KCNQ1: variants seen among roughly 807,000 people sequenced by gnomAD.
The protein encoded by KCNQ1 is potassium voltage-gated channel subfamily Q member 1.
KCNQ1 carries 49 observed loss-of-function variants against 72.4 expected under a neutral mutation model. The ratio of observed to expected loss-of-function variants is 0.68; its 90% CI spans 0.54 to 0.86. The LOEUF is 0.86. Among genes scored for constraint, KCNQ1 ranks in the 40% least tolerant of loss-of-function variants. The probability of loss-of-function intolerance (pLI) is 0.00; values close to 1 mark genes in which losing one functional copy is unlikely to be tolerated. For synonymous variants in KCNQ1, 450 were observed against 412.6 expected, an observed-to-expected ratio of 1.09 and a Z score of -1.10; for missense variants, 790 against 945.1, an observed-to-expected ratio of 0.84 and a Z score of 2.15.
intron 11 of KCNQ1, chr11:2,700,064 G>A: frequency 2.5e-6 from 1 of 398,070 alleles, no homozygotes. Context: ...CCCACCTGCT[G>A]ATTGGGCGGC....
In KCNQ1 at chr11:2,676,302, G is replaced by C. The variant is rs1850293390; in HGVS notation, c.1514+14221G>C. The C allele has an allele frequency of 2.5e-6, 1 of 398,528 alleles. No homozygotes were observed. The highest frequency in any genetic ancestry group is 1.3e-4 in the South Asian group (1 of 7,852). 24.7% of individuals were successfully genotyped at this position (398,528 alleles called of 1,614,324 possible). A position where few individuals can be genotyped will look rare whatever the true frequency, so the allele number is the denominator to read the frequency against. ...TTTACATGTATACAGACACACGTGT[G>C]AACAGGTGATGGCTCTGAACAGTGT... On this transcript the variant is annotated intron_variant, in intron 11 of 15. Coordinates refer to ENST00000155840, the MANE Select transcript of KCNQ1 (RefSeq NM_000218.3). This position sits in a 1 kb window ranked among gnomAD's most constrained non-coding sequence, Gnocchi z 4.2.
intron 2 of KCNQ1, among the ~76,000 whole-genome samples, chr11:2,554,069 G>T (rs1445087083): frequency 6.6e-6 from 1 of 152,184 alleles, no homozygotes; most frequent in Non-Finnish European, 1.5e-5. Context: ...TCGGTTGTGT[G>T]TAGAACTTCC....
rs1051877842 is a variant in KCNQ1, at chr11:2,735,990, C to T, written c.1515-32854C>T. Among the ~76,000 whole-genome samples, 2 of 152,166 alleles carry T rather than the reference C, an allele frequency of 1.3e-5. No homozygotes were observed. Among genetic ancestry groups the T allele is most frequent in the African/African-American group, 4.8e-5 (2 of 41,432 alleles). On this transcript the variant is annotated intron_variant, in intron 11 of 15. Coordinates refer to ENST00000155840, the MANE Select transcript of KCNQ1 (RefSeq NM_000218.3). The surrounding 1 kb of genome is among the most constrained non-coding windows in gnomAD (Gnocchi z 7.7). The stretch of plus-strand genomic sequence containing the variant: ...GCCCTTCCTCCAGTGTGTCTGGAGC[C>T]CCTTCCCTGTGTACAAAGGGACAGA...
rs748094099 is a variant in KCNQ1 at position 2,471,456 on chromosome 11, G to A, written c.386+25972G>A. 1.3e-5 allele frequency among the ~76,000 whole-genome samples: 2 copies of A among 152,200 alleles called. No individual in the cohort carries two copies. The highest frequency in any genetic ancestry group is 2.9e-5 in the Non-Finnish European group (2 of 68,044). Reference sequence around the variant, plus strand: ...GTGTCAAGAGACCCAGGGGACCTGCGAGATCCATCTCGCCCCACACACCAC... The same window carrying A: ...GTGTCAAGAGACCCAGGGGACCTGCAAGATCCATCTCGCCCCACACACCAC... On this transcript the variant is annotated intron_variant, in intron 1 of 15. Coordinates refer to ENST00000155840, the MANE Select transcript of KCNQ1 (RefSeq NM_000218.3). The surrounding 1 kb of genome is among the most constrained non-coding windows in gnomAD (Gnocchi z 4.8).
In KCNQ1 at chr11:2,508,981, G is replaced by A. The variant is rs1847149468; in HGVS notation, c.387-18947G>A. On this transcript the variant is annotated intron_variant, in intron 1 of 15. Coordinates refer to ENST00000155840, the MANE Select transcript of KCNQ1 (RefSeq NM_000218.3). The surrounding 1 kb of genome is among the most constrained non-coding windows in gnomAD (Gnocchi z 6.2). ...ATGAGGGCCGTGGGGAAGGGGCACAGCCCTGGGCAAGGGTGTGCAGAGTCT... is the reference window on the plus strand; with the variant it reads ...ATGAGGGCCGTGGGGAAGGGGCACAACCCTGGGCAAGGGTGTGCAGAGTCT... 6.6e-6 allele frequency among the ~76,000 whole-genome samples: 1 copy of A among 152,244 alleles called. No individual in the cohort carries two copies. Among genetic ancestry groups the A allele is most frequent in the East Asian group, 1.9e-4 (1 of 5,188 alleles).
chr11:2,615,522 A>G (rs957889345), intron 10 of KCNQ1: 9 of 397,854 alleles, frequency 2.3e-5, no homozygotes, highest in Non-Finnish European at 2.2e-5. Context: ...CTCATTAAGT[A>G]TATTAGTTGT....
intron 15 of KCNQ1, among the ~76,000 whole-genome samples, chr11:2,799,375 A>AGTGTGTGTGTGT (rs3079043): frequency 0.038 from 5,552 of 147,302 alleles, 346 homozygotes; most frequent in East Asian, 0.32. Context: ...TGTAAGTTCG[A>AGTGTGTGTGTGT]GTGTGTGTGT....
intron 6 of KCNQ1, among the ~76,000 whole-genome samples, chr11:2,574,924 T>C (rs1848398851): frequency 2.0e-5 from 3 of 152,016 alleles, no homozygotes; most frequent in African/African-American, 7.2e-5. Context: ...CCAGCCCCCC[T>C]GCGGGAGCCT....
chr11:2,665,648 C>CCTCA, intron 11 of KCNQ1: 1 of 397,934 alleles, frequency 2.5e-6, no homozygotes, highest in Admixed American at 4.4e-5. Context: ...CTCTCAAAGC[C>CCTCA]CTCAGTACCA....
At position 2,486,879 on chromosome 11, in the gene KCNQ1, C is replaced by G. The variant is rs1846748207; in HGVS notation, c.387-41049C>G. On this transcript the variant is annotated intron_variant, in intron 1 of 15. Coordinates refer to ENST00000155840, the MANE Select transcript of KCNQ1 (RefSeq NM_000218.3). The surrounding 1 kb of genome is among the most constrained non-coding windows in gnomAD (Gnocchi z 5.0). ...GCCCCACCTCCAACGCTGGGGATCA[C>G]ATTTCAACATGAGAGTTGGAGGGGA... Among the ~76,000 whole-genome samples, 1 of 152,188 alleles carries G rather than the reference C, an allele frequency of 6.6e-6. No individual in the cohort carries two copies. Among genetic ancestry groups the G allele is most frequent in the African/African-American group, 2.4e-5 (1 of 41,460 alleles).
At chr11:2,798,082 T>A (rs1847174847) in intron 15 of KCNQ1, among the ~76,000 whole-genome samples, 1 of 152,132 alleles carries the variant, frequency 6.6e-6, no homozygotes, top group African/African-American at 2.4e-5. Context: ...GAGTTAGGGG[T>A]GTCTCTCCTC....
At chr11:2,700,090 G>A (rs1054942217) in intron 11 of KCNQ1, 1 of 397,892 alleles carries the variant, frequency 2.5e-6, no homozygotes, top group Non-Finnish European at 4.4e-6. Context: ...GGGAAGGCTT[G>A]CGGCGGGCTG....
chr11:2,693,300 G>C (rs1554907739), intron 11 of KCNQ1: 1 of 398,630 alleles, frequency 2.5e-6, no homozygotes, highest in Non-Finnish European at 4.4e-6. Flanking sequence ...ACTGCTCTTA[G>C]CACCCACAGG....
At chr11:2,843,610 G>A (rs527773784) in intron 15 of KCNQ1, among the ~76,000 whole-genome samples, 4 of 152,398 alleles carry the variant, frequency 2.6e-5, no homozygotes, top group South Asian at 4.1e-4. Context: ...TGCCATCCAC[G>A]AGGCCAGGGC....
rs1849793098 is a variant in KCNQ1, at chr11:2,653,717, G to C, written c.1394-8244G>C. 1.0e-5 allele frequency: 4 copies of C among 398,516 alleles called. No homozygotes were observed. Among genetic ancestry groups the C allele is most frequent in the Non-Finnish European group, 1.3e-5 (3 of 226,080 alleles). 24.7% of individuals were successfully genotyped at this position (398,516 alleles called of 1,614,324 possible). On this transcript the variant is annotated intron_variant, in intron 10 of 15. Coordinates refer to ENST00000155840, the MANE Select transcript of KCNQ1 (RefSeq NM_000218.3). The surrounding 1 kb of genome is among the most constrained non-coding windows in gnomAD (Gnocchi z 5.3). ...AGCAGAACGAGGTCATCTCTTCCAG[G>C]ATTCCTGCCAGAATCTAAGGCCAGG...
chr11:2,788,193 C>A (rs1321410467), intron 15 of KCNQ1, among the ~76,000 whole-genome samples: 1 of 152,130 alleles, frequency 6.6e-6, no homozygotes, highest in Non-Finnish European at 1.5e-5. Flanking sequence ...CTGCAGACCC[C>A]TCCTGGGCTC....
intron 11 of KCNQ1, among the ~76,000 whole-genome samples, chr11:2,702,113 A>C (rs532318123): frequency 3.3e-5 from 5 of 151,598 alleles, no homozygotes; most frequent in African/African-American, 4.9e-5. Flanking sequence ...TCCCCTGATC[A>C]CCCTCCCTGC....
chr11:2,750,720 C>T lies in KCNQ1; in HGVS notation c.1515-18124C>T, dbSNP rs1477420273. On this transcript the variant is annotated intron_variant, in intron 11 of 15. Coordinates refer to ENST00000155840, the MANE Select transcript of KCNQ1 (RefSeq NM_000218.3). This position sits in a 1 kb window ranked among gnomAD's most constrained non-coding sequence, Gnocchi z 6.3. ...ATAAGTCATTTCAGTCAGGCCATTACCAATGGCTCATAATCTCCTGGGCTG... is the reference window on the plus strand; with the variant it reads ...ATAAGTCATTTCAGTCAGGCCATTATCAATGGCTCATAATCTCCTGGGCTG... Among the ~76,000 whole-genome samples the T allele has an allele frequency of 1.3e-5, 2 of 152,196 alleles. No individual in the cohort carries two copies. The highest frequency in any genetic ancestry group is 2.9e-5 in the Non-Finnish European group (2 of 68,034).
At chr11:2,604,295 T>A (rs968918563) in intron 10 of KCNQ1, among the ~76,000 whole-genome samples, 3 of 151,240 alleles carry the variant, frequency 2.0e-5, no homozygotes, top group Admixed American at 6.6e-5. Flanking sequence ...CTGGCCAACA[T>A]GGTGAAACCC....
Sources: allele counts gnomAD v4.1 joint callset (sites outside exome capture counted in the v4.1 genomes callset), GRCh38; gene constraint gnomAD v4.1.1; non-coding constraint Gnocchi (gnomAD v3.1); transcripts MANE v1.5; gene names NCBI Gene and HGNC (gene_info 2026-07-23, HGNC 2026-07-21).